CHD2: variants seen among roughly 807,000 people sequenced by gnomAD.
CHD2 encodes ATP-dependent chromatin remodeler CHD2.
Under a neutral mutation model 243.9 loss-of-function variants are expected in CHD2, and 28 were observed. The observed-to-expected ratio is 0.11, with a 90% CI of 0.09 to 0.16. CHD2 has a LOEUF of 0.16. Ranked by LOEUF, CHD2 falls within the 10% of genes least tolerant of loss-of-function variation. The pLI is 1.00. For missense variants in CHD2, 1,386 were observed against 2,209.8 expected (o/e 0.63, Z 7.47); for synonymous variants, 775 against 779.0 (o/e 0.99, Z 0.09).
chr15:92,945,147 G>A (rs1023740728), intron 10 of CHD2: 2 of 152,500 alleles, frequency 1.3e-5, no homozygotes, highest in African/African-American at 2.4e-5. Context: ...ACATAGCCAG[G>A]AGAGAGGAAA....
rs1484686984 is a variant in CHD2 at position 92,912,596 on chromosome 15, C to G, written c.62+11297C>G. On this transcript the variant is annotated intron_variant, in intron 2 of 38. Coordinates refer to ENST00000394196, the MANE Select transcript of CHD2 (RefSeq NM_001271.4). ...TTGCCTGAGCTAGAGTGCAATGGCT[C>G]GATCTTGGCTCACTGCAGCCTCCAC... Among the ~76,000 whole-genome samples the G allele has an allele frequency of 2.0e-5, 3 of 152,296 alleles. No homozygotes were observed. In the East Asian group the frequency reaches 5.8e-4, roughly 29 times the overall value.
chr15:92,912,723 CAG>C (rs1372935996), intron 2 of CHD2, among the ~76,000 whole-genome samples: 8 of 152,034 alleles, frequency 5.3e-5, no homozygotes, highest in East Asian at 1.9e-4. Context: ...TTAGTAGAGA[CAG>C]GGGTTTCACT....
chr15:93,022,986 CTTGA>C (rs1381220950), intron 38 of CHD2, among the ~76,000 whole-genome samples: 1 of 152,214 alleles, frequency 6.6e-6, no homozygotes, highest in Non-Finnish European at 1.5e-5. Flanking sequence ...TTGACTGGAA[CTTGA>C]GATTGCTCAC....
At chr15:92,953,303 G>C in intron 13 of CHD2, 54 bp from the exon 14 acceptor site, 2 of 1,452,368 alleles carry the variant, frequency 1.4e-6, no homozygotes, top group Non-Finnish European at 9.6e-7. Flanking sequence ...TGCACATTCT[G>C]TGTTTTGGTG....
intron 4 of CHD2, among the ~76,000 whole-genome samples, chr15:92,928,762 A>G (rs2053112492): frequency 6.6e-6 from 1 of 152,246 alleles, no homozygotes; most frequent in African/African-American, 2.4e-5. Flanking sequence ...ACATCGTTGC[A>G]GAAAGTTATT....
intron 19 of CHD2, among the ~76,000 whole-genome samples, chr15:92,973,679 C>G (rs1024734106): frequency 6.6e-6 from 1 of 152,316 alleles, no homozygotes; most frequent in South Asian, 2.1e-4. Context: ...AAAGTCACTT[C>G]TCTGTCAGTG....
intron 22 of CHD2, among the ~76,000 whole-genome samples, chr15:92,980,429 A>T (rs1050939030): frequency 6.6e-6 from 1 of 152,102 alleles, no homozygotes; most frequent in African/African-American, 2.4e-5. Flanking sequence ...TTTTCTGTTT[A>T]AGAGGAAGCT....
chr15:92,944,305 A>G, intron 9 of CHD2, 110 bp from the exon 10 acceptor site: 2 of 552,752 alleles, frequency 3.6e-6, no homozygotes, highest in Non-Finnish European at 6.7e-6. Flanking sequence ...CTTAAGGGGC[A>G]GATGGGAGTA....
chr15:92,938,469 T>G (rs1395194869), intron 6 of CHD2, among the ~76,000 whole-genome samples: 3 of 152,226 alleles, frequency 2.0e-5, no homozygotes, highest in Non-Finnish European at 4.4e-5. Context: ...CTAAAATATT[T>G]ACTCTCTGGC....
chr15:92,950,526 C>T (rs997383102), intron 13 of CHD2: 1 of 151,980 alleles, frequency 6.6e-6, no homozygotes, highest in Middle Eastern at 3.2e-3. Context: ...TATAGTAAAG[C>T]AAAAAATCCT....
chr15:92,959,921 A>G (rs771135561), intron 16 of CHD2, among the ~76,000 whole-genome samples: 1 of 152,230 alleles, frequency 6.6e-6, no homozygotes, highest in Non-Finnish European at 1.5e-5. Context: ...CTGCAAGAAA[A>G]ATATGGAATT....
chr15:92,969,945 G>A (rs1438491108), intron 17 of CHD2, among the ~76,000 whole-genome samples: 1 of 151,202 alleles, frequency 6.6e-6, no homozygotes, highest in African/African-American at 2.4e-5. Context: ...GCTTTTTAAG[G>A]TTATATACCA....
chr15:92,979,307 G>T (rs1368743907), intron 22 of CHD2, 24 bp downstream of exon 22: 3 of 1,610,142 alleles, frequency 1.9e-6, no homozygotes, highest in Admixed American at 1.7e-5. Flanking sequence ...AGATTGGGAG[G>T]TAGGCAGAAT....
At chr15:92,913,084 C>T (rs1160633563) in intron 2 of CHD2, among the ~76,000 whole-genome samples, 1 of 152,220 alleles carries the variant, frequency 6.6e-6, no homozygotes, top group East Asian at 1.9e-4. Flanking sequence ...GCTTGTTCAA[C>T]ATATTCCCAG....
At chr15:92,948,730 T>G (rs1204799331) in intron 12 of CHD2, among the ~76,000 whole-genome samples, 3 of 152,158 alleles carry the variant, frequency 2.0e-5, no homozygotes, top group Admixed American at 6.5e-5. Context: ...TCCCAGCTAC[T>G]TGGGAGGCTG....
At chr15:92,950,492 A>G (rs2053539207) in intron 13 of CHD2, 1 of 152,238 alleles carries the variant, frequency 6.6e-6, no homozygotes, top group African/African-American at 2.4e-5. Flanking sequence ...AATTAAGTGC[A>G]AATGCTTAAT....
At chr15:93,004,542 A>G (rs946844295) in intron 33 of CHD2, 75 bp from the exon 34 acceptor site, 3 of 1,402,944 alleles carry the variant, frequency 2.1e-6, no homozygotes, top group Non-Finnish European at 2.9e-6. Context: ...TAATAACACA[A>G]CATAGGTAAG....
chr15:92,978,031 A>C, intron 20 of CHD2: 2 of 589,526 alleles, frequency 3.4e-6, no homozygotes. Flanking sequence ...ACTCCTGTTC[A>C]TGGCACTGAC....
At chr15:92,940,057 C>T (rs1596392936) in intron 7 of CHD2, among the ~76,000 whole-genome samples, 1 of 152,320 alleles carries the variant, frequency 6.6e-6, no homozygotes, top group East Asian at 1.9e-4. Flanking sequence ...CTGAATTGCT[C>T]TTTGAATCAC....
Sources: allele counts gnomAD v4.1 joint callset (sites outside exome capture counted in the v4.1 genomes callset), GRCh38; gene constraint gnomAD v4.1.1; transcripts MANE v1.5; gene names NCBI Gene and HGNC (gene_info 2026-07-23, HGNC 2026-07-21).